Variants in HS6ST3 observed in about 807,000 individuals in gnomAD.
HS6ST3 encodes heparan-sulfate 6-O-sulfotransferase 3.
A neutral mutation model predicts 36.7 loss-of-function variants in HS6ST3; 12 were observed. The observed-to-expected ratio is 0.33, with a 90% CI of 0.21 to 0.53. The LOEUF is 0.53. HS6ST3 is among the 20% of genes least tolerant of loss of function. The probability of loss-of-function intolerance (pLI) is 0.95; values close to 1 mark genes in which losing one functional copy is unlikely to be tolerated. For missense variants in HS6ST3, 584 were observed against 640.9 expected (o/e 0.91, Z 0.96); for synonymous variants, 240 against 257.5 (o/e 0.93, Z 0.65).
chr13:96,592,083 G>T (rs536198806), intron 1 of HS6ST3, among the ~76,000 whole-genome samples: 2 of 152,024 alleles, frequency 1.3e-5, no homozygotes, highest in Admixed American at 1.3e-4. Flanking sequence ...TTAATGTGTT[G>T]TTGAATTTGG....
chr13:96,676,239 T>C (rs1433185250), intron 1 of HS6ST3, among the ~76,000 whole-genome samples: 1 of 152,076 alleles, frequency 6.6e-6, no homozygotes, highest in East Asian at 1.9e-4. Context: ...GGTGTGTAGA[T>C]GGCCATCGTT....
At chr13:96,175,051 G>A (rs763413945) in intron 1 of HS6ST3, among the ~76,000 whole-genome samples, 1 of 152,018 alleles carries the variant, frequency 6.6e-6, no homozygotes, top group Admixed American at 6.6e-5. Flanking sequence ...TTATTTTTGG[G>A]TTTGCATGCC....
intron 1 of HS6ST3, among the ~76,000 whole-genome samples, chr13:96,444,360 T>G (rs942367886): frequency 2.6e-4 from 40 of 152,236 alleles, no homozygotes; most frequent in Non-Finnish European, 5.0e-4. Context: ...AGGCACTAAC[T>G]GGGTATTTTG....
At chr13:96,269,294 G>T (rs1352178221) in intron 1 of HS6ST3, among the ~76,000 whole-genome samples, 1 of 151,974 alleles carries the variant, frequency 6.6e-6, no homozygotes, top group Non-Finnish European at 1.5e-5. Context: ...AAATTAAATG[G>T]CAATTGTGCT....
At chr13:96,815,350 T>TA in intron 1 of HS6ST3, among the ~76,000 whole-genome samples, 1 of 152,336 alleles carries the variant, frequency 6.6e-6, no homozygotes, top group East Asian at 1.9e-4. Flanking sequence ...GGGCCCACTC[T>TA]AATGACCTCA....
intron 1 of HS6ST3, among the ~76,000 whole-genome samples, chr13:96,258,780 A>G (rs568185509): frequency 1.3e-5 from 2 of 152,190 alleles, no homozygotes; most frequent in Non-Finnish European, 2.9e-5. Context: ...CCATTCATTC[A>G]TCATCCATTA....
chr13:96,496,304 G>A (rs1279729488), intron 1 of HS6ST3, among the ~76,000 whole-genome samples: 3 of 152,154 alleles, frequency 2.0e-5, no homozygotes, highest in Non-Finnish European at 4.4e-5. Context: ...AATATTCTGT[G>A]GAACTCTGGA....
At chr13:96,580,092 T>C (rs1055289224) in intron 1 of HS6ST3, among the ~76,000 whole-genome samples, 1 of 151,722 alleles carries the variant, frequency 6.6e-6, no homozygotes, top group Non-Finnish European at 1.5e-5. Flanking sequence ...AATATTTTTC[T>C]CCAAAATCCC....
chr13:96,106,699 G>A (rs1157683172), intron 1 of HS6ST3, among the ~76,000 whole-genome samples: 1 of 152,196 alleles, frequency 6.6e-6, no homozygotes, highest in Non-Finnish European at 1.5e-5. Flanking sequence ...AGGATGGTTG[G>A]TGGAATTGAC....
intron 1 of HS6ST3, among the ~76,000 whole-genome samples, chr13:96,520,133 T>C (rs1375291838): frequency 6.6e-6 from 1 of 152,232 alleles, no homozygotes; most frequent in Non-Finnish European, 1.5e-5. Context: ...CCCCATTGCT[T>C]GTGTCAGGTT....
At chr13:96,516,623 T>C (rs2056073887) in intron 1 of HS6ST3, among the ~76,000 whole-genome samples, 1 of 152,244 alleles carries the variant, frequency 6.6e-6, no homozygotes, top group South Asian at 2.1e-4. Flanking sequence ...GTTTTCTTTC[T>C]ATGCGTAGCA....
intron 1 of HS6ST3, among the ~76,000 whole-genome samples, chr13:96,636,159 G>A (rs958614446): frequency 1.3e-5 from 2 of 152,110 alleles, no homozygotes; most frequent in Non-Finnish European, 2.9e-5. Flanking sequence ...CAAGAAGTGA[G>A]GGTACATTTG....
At chr13:96,427,361 T>C (rs1447442979) in intron 1 of HS6ST3, 3 of 152,828 alleles carry the variant, frequency 2.0e-5, no homozygotes, top group Non-Finnish European at 2.9e-5. Context: ...TCAGTAGATC[T>C]CAATGAAGGT....
chr13:96,738,833 C>T (rs974082198), intron 1 of HS6ST3, among the ~76,000 whole-genome samples: 5 of 152,080 alleles, frequency 3.3e-5, no homozygotes, highest in African/African-American at 1.2e-4. Flanking sequence ...TCATATTTCA[C>T]CCCTTATTAC....
intron 1 of HS6ST3, among the ~76,000 whole-genome samples, chr13:96,743,719 G>A (rs937948746): frequency 1.6e-4 from 24 of 152,124 alleles, no homozygotes; most frequent in African/African-American, 5.5e-4. Flanking sequence ...TGTGAATTGT[G>A]AGATTTCAAG....
chr13:96,202,829 C>A (rs2054349610), intron 1 of HS6ST3, among the ~76,000 whole-genome samples: 2 of 152,280 alleles, frequency 1.3e-5, no homozygotes, highest in South Asian at 4.1e-4. Context: ...GGACCAGTTT[C>A]TGAAAATTAT....
intron 1 of HS6ST3, among the ~76,000 whole-genome samples, chr13:96,644,207 A>T (rs1368351756): frequency 1.3e-5 from 2 of 151,996 alleles, no homozygotes. Context: ...GAAGAAAAAT[A>T]CTTTTTATTT....
intron 1 of HS6ST3, among the ~76,000 whole-genome samples, chr13:96,216,878 A>C (rs1007196353): frequency 1.3e-5 from 2 of 152,210 alleles, no homozygotes; most frequent in African/African-American, 4.8e-5. Context: ...GGAACACACA[A>C]GGGGAAGGAA....
intron 1 of HS6ST3, among the ~76,000 whole-genome samples, chr13:96,748,204 C>T (rs1033539559): frequency 2.6e-5 from 4 of 152,026 alleles, no homozygotes; most frequent in Non-Finnish European, 4.4e-5. Context: ...TCTTTCAAAG[C>T]GCACGTACAA....
Sources: gnomAD v4.1 joint callset for allele counts (sites outside exome capture counted in the v4.1 genomes callset) on GRCh38, gnomAD v4.1.1 for gene constraint, MANE v1.5 for transcripts, NCBI Gene and HGNC (gene_info 2026-07-23, HGNC 2026-07-21) for gene names.